Variants in DEPDC5 observed in about 807,000 individuals in gnomAD.
DEPDC5 encodes the protein GATOR1 complex protein DEPDC5.
DEPDC5 carries 73 observed loss-of-function variants against 217.3 expected under a neutral mutation model. The ratio of observed to expected loss-of-function variants is 0.34; its 90% CI spans 0.28 to 0.41. The LOEUF (loss-of-function observed/expected upper bound fraction) is 0.41. Among genes scored for constraint, DEPDC5 ranks in the 10% least tolerant of loss-of-function variants. The probability of loss-of-function intolerance (pLI) is 1.00; values close to 1 mark genes in which losing one functional copy is unlikely to be tolerated. For missense variants in DEPDC5, 1,675 were observed against 2,070.1 expected (o/e 0.81, Z 3.70); for synonymous variants, 733 against 756.7 (o/e 0.97, Z 0.51).
intron 33 of DEPDC5, among the ~76,000 whole-genome samples, chr22:31,864,617 A>T (rs979391382): frequency 6.6e-6 from 1 of 151,332 alleles, no homozygotes; most frequent in Non-Finnish European, 1.5e-5. Flanking sequence ...AGGATTAGAA[A>T]TAATATCCAT....
At chr22:31,792,194 A>C in intron 11 of DEPDC5, 92 bp downstream of exon 11, 1 of 918,356 alleles carries the variant, frequency 1.1e-6, no homozygotes, top group Non-Finnish European at 1.7e-6. Flanking sequence ...TCCTCGTTGC[A>C]CTTTTCCACC....
At position 31,846,985 on chromosome 22, in the gene DEPDC5, G is replaced by T. The variant is rs570709498; in HGVS notation, c.3155+18G>T. 2 of 1,614,244 alleles carry T rather than the reference G, an allele frequency of 1.2e-6. No homozygotes were observed. The highest frequency in any genetic ancestry group is 4.5e-5 in the East Asian group (2 of 44,888). On this transcript the variant is annotated intron_variant, in intron 31 of 42. Transcript: ENST00000651528. ...AGTCAGAAGTAAGTGCTTGGTGGAA[G>T]ACTGACTTGTCCCCACCTTGACAGC...
intron 38 of DEPDC5, among the ~76,000 whole-genome samples, chr22:31,885,082 T>C (rs1310389051): frequency 6.6e-6 from 1 of 152,134 alleles, no homozygotes; most frequent in African/African-American, 2.4e-5. Flanking sequence ...CCTCCCCTGC[T>C]CCTTATAAAC....
At position 31,806,185 on chromosome 22, in the gene DEPDC5, AAAG is replaced by A; in HGVS notation, c.1285_1287del (p.Lys429del). 6.2e-7 allele frequency: 1 copy of A among 1,613,888 alleles called. No homozygotes were observed. The highest frequency in any genetic ancestry group is 8.5e-7 in the Non-Finnish European group (1 of 1,179,872). ...TCACCCCACGAATAAAACTGGCAGG[AAAG>A]AAGGTAGGTTTTTATTTTTGTTAAG... On this transcript the variant is annotated inframe_deletion, in exon 18 of 43. Transcript: ENST00000651528.
intron 20 of DEPDC5, chr22:31,814,663 C>T (rs1437123422): frequency 1.8e-5 from 5 of 274,314 alleles, no homozygotes; most frequent in Non-Finnish European, 3.5e-5. Flanking sequence ...CTTTCTCCCA[C>T]ATCACATCAT....
chr22:31,851,260 A>T (rs1374319967), intron 31 of DEPDC5, among the ~76,000 whole-genome samples: 2 of 152,122 alleles, frequency 1.3e-5, no homozygotes, highest in African/African-American at 4.8e-5. Context: ...CTCTTTATAA[A>T]CAGTAAGTGT....
At chr22:31,803,749 A>T (rs894324214) in intron 15 of DEPDC5, among the ~76,000 whole-genome samples, 4 of 152,182 alleles carry the variant, frequency 2.6e-5, no homozygotes, top group African/African-American at 9.7e-5. Context: ...CTGTCAAAAA[A>T]AAAAAGGAGT....
At chr22:31,896,542 C>T (rs940382555) in intron 39 of DEPDC5, among the ~76,000 whole-genome samples, 9 of 151,390 alleles carry the variant, frequency 5.9e-5, no homozygotes, top group South Asian at 2.1e-4. Context: ...TTTTAACATA[C>T]ATCATTTTTA....
intron 10 of DEPDC5, among the ~76,000 whole-genome samples, chr22:31,786,163 G>A (rs1172378989): frequency 1.3e-5 from 2 of 151,940 alleles, no homozygotes; most frequent in Non-Finnish European, 1.5e-5. Flanking sequence ...GGCTGAGACA[G>A]GAGAATCGCT....
intron 37 of DEPDC5, 116 bp from the exon 38 acceptor site, chr22:31,879,407 TTG>T (rs1485095697): frequency 1.1e-6 from 1 of 908,888 alleles, no homozygotes; most frequent in African/African-American, 1.7e-5. Context: ...GTATGTGGCC[TTG>T]TGTGTCGGCT....
intron 3 of DEPDC5, among the ~76,000 whole-genome samples, chr22:31,760,289 C>T (rs1039215218): frequency 1.3e-5 from 2 of 151,672 alleles, no homozygotes; most frequent in Non-Finnish European, 2.9e-5. Context: ...AGGATGGTCT[C>T]GATCTCCTGA....
intron 13 of DEPDC5, 75 bp downstream of exon 13, chr22:31,797,778 G>A: frequency 8.7e-7 from 1 of 1,148,482 alleles, no homozygotes; most frequent in Non-Finnish European, 1.3e-6. Flanking sequence ...GAGAAGAGAT[G>A]TGTGCTTGTT....
At chr22:31,821,455 C>G (rs780932752) in intron 22 of DEPDC5, 47 bp from the exon 23 acceptor site, 1 of 1,609,136 alleles carries the variant, frequency 6.2e-7, no homozygotes, top group Non-Finnish European at 8.5e-7. Flanking sequence ...GTGCACAGCA[C>G]TAGCTATCAG....
chr22:31,873,067 A>T, intron 34 of DEPDC5, 188 bp from the exon 35 acceptor site: 1 of 1,198,514 alleles, frequency 8.3e-7, no homozygotes, highest in Non-Finnish European at 1.1e-6. Flanking sequence ...AAATGTGTAT[A>T]TTTTAAAATA....
At position 31,861,366 on chromosome 22, in the gene DEPDC5, A is replaced by C; in HGVS notation, c.3265-2A>C. 1 of 1,551,312 alleles carries C rather than the reference A, an allele frequency of 6.4e-7. No homozygotes were observed. Among genetic ancestry groups the C allele is most frequent in the Non-Finnish European group, 8.7e-7 (1 of 1,146,874 alleles). On this transcript the variant is annotated splice_acceptor_variant, in intron 32 of 42. Coordinates refer to ENST00000651528, the MANE Select transcript of DEPDC5 (RefSeq NM_001242896.3). LOFTEE classifies it high-confidence loss of function. The stretch of plus-strand genomic sequence containing the variant: ...TGCTGCTTCCTCCTCCTGTGACTTC[A>C]GGACGGGGCCTTCTTTATGGAGTTT...
chr22:31,906,836 G>A lies in DEPDC5; in HGVS notation c.*339G>A. 1 of 422,300 alleles carries A rather than the reference G, an allele frequency of 2.4e-6. No individual in the cohort carries two copies. The highest frequency in any genetic ancestry group is 4.3e-6 in the Non-Finnish European group (1 of 231,542). The allele number at this position is 422,300 out of a possible 1,614,324, so 26.2% of individuals were successfully genotyped here. Reference sequence around the variant, plus strand: ...CCCATGAATGTCCTCGGAAGGGGGTGGCTCCTGGTAGCATCCTTTTCCTTC... The same window carrying A: ...CCCATGAATGTCCTCGGAAGGGGGTAGCTCCTGGTAGCATCCTTTTCCTTC... On this transcript the variant is annotated 3_prime_UTR_variant, in exon 43 of 43. Coordinates refer to ENST00000651528, the MANE Select transcript of DEPDC5 (RefSeq NM_001242896.3). The surrounding 1 kb of genome is among the most constrained non-coding windows in gnomAD (Gnocchi z 5.1).
Position 31,879,570 on chromosome 22 carries a change from A to T in DEPDC5, c.3851A>T (p.Asp1284Val). 6.2e-7 allele frequency: 1 copy of T among 1,613,052 alleles called. No individual in the cohort carries two copies. Among genetic ancestry groups the T allele is most frequent in the South Asian group, 1.1e-5 (1 of 91,078 alleles). Residue 1284 changes from aspartate (D) to valine (V), a missense_variant, in exon 38 of 43, where the codon GAC (aspartate) becomes GTC (valine). Transcript: ENST00000651528. The stretch of plus-strand genomic sequence containing the variant: ...ACCACCTGGCACACAGCAGGAGTGG[A>T]CGACTTCGCCAGCTTCCAGCGCAAG... ...PATTWHTAGV[D>V]DFASFQRKWF...
intron 4 of DEPDC5, among the ~76,000 whole-genome samples, chr22:31,762,460 G>C (rs569646254): frequency 6.6e-5 from 10 of 152,198 alleles, no homozygotes; most frequent in African/African-American, 2.2e-4. Context: ...CAAAATTCTG[G>C]GTTGCTCTAA....
intron 12 of DEPDC5, 93 bp from the exon 13 acceptor site, chr22:31,797,506 TG>T: frequency 1.0e-6 from 1 of 988,026 alleles, no homozygotes. Flanking sequence ...CCTCGACACA[TG>T]GGTATTACAA....
Sources: gnomAD v4.1 joint callset for allele counts (sites outside exome capture counted in the v4.1 genomes callset) on GRCh38, gnomAD v4.1.1 for gene constraint, Gnocchi (gnomAD v3.1) non-coding constraint, MANE v1.5 for transcripts, NCBI Gene and HGNC (gene_info 2026-07-23, HGNC 2026-07-21) for gene names.